Variants in EIF3K observed in about 807,000 individuals in gnomAD.
EIF3K encodes eukaryotic translation initiation factor 3 subunit K, also known as eIF-3 p28.
EIF3K carries 27 observed loss-of-function variants against 34.2 expected under a neutral mutation model. The observed-to-expected ratio is 0.79, with a 90% CI of 0.58 to 1.09. The LOEUF (loss-of-function observed/expected upper bound fraction) is 1.09. Ranked by LOEUF, EIF3K falls within the 50% of genes least tolerant of loss-of-function variation. The pLI, the probability that EIF3K is intolerant of heterozygous loss-of-function variation, is 0.00. For missense variants in EIF3K, 232 were observed against 275.4 expected (o/e 0.84, Z 1.11); for synonymous variants, 105 against 105.7 (o/e 0.99, Z 0.04).
chr19:38,626,289 C>A, intron 4 of EIF3K, 187 bp downstream of exon 4: 1 of 623,844 alleles, frequency 1.6e-6, no homozygotes, highest in Non-Finnish European at 2.9e-6. Context: ...CCCGTGCCCA[C>A]AGGCTGAGGC....
chr19:38,620,856 T>C (rs907127293), intron 2 of EIF3K, among the ~76,000 whole-genome samples: 1 of 151,812 alleles, frequency 6.6e-6, no homozygotes, highest in African/African-American at 2.4e-5. Context: ...ATCGCGCCAT[T>C]GCACTCCAGC....
intron 7 of EIF3K, chr19:38,635,366 G>A (rs958911487): frequency 1.8e-6 from 1 of 541,696 alleles, no homozygotes; most frequent in Non-Finnish European, 3.3e-6. Flanking sequence ...AGACTTCCTG[G>A]GGCCCAGCGG....
chr19:38,630,307 TCCA>T (rs1448948140), intron 4 of EIF3K, among the ~76,000 whole-genome samples: 1 of 151,490 alleles, frequency 6.6e-6, no homozygotes, highest in Admixed American at 6.6e-5. Flanking sequence ...ATTTCAGGCA[TCCA>T]CCACCACACC....
At chr19:38,630,594 C>T (rs1472670734) in intron 4 of EIF3K, 1 of 152,116 alleles carries the variant, frequency 6.6e-6, no homozygotes, top group Non-Finnish European at 1.5e-5. Flanking sequence ...TCGCCCGTCT[C>T]AGCCTCCCCA....
chr19:38,634,744 A>C (rs1424273112), intron 6 of EIF3K, among the ~76,000 whole-genome samples: 1 of 152,184 alleles, frequency 6.6e-6, no homozygotes, highest in Non-Finnish European at 1.5e-5. Flanking sequence ...GAGGAATAGA[A>C]ATTAAGGCAG....
At chr19:38,633,055 G>GACC (rs1361638671) in intron 6 of EIF3K, among the ~76,000 whole-genome samples, 5 of 152,182 alleles carry the variant, frequency 3.3e-5, no homozygotes, top group African/African-American at 1.2e-4. Flanking sequence ...AGCGGCATCT[G>GACC]AGCCCTTACC....
At chr19:38,621,037 C>T (rs114863456) in intron 2 of EIF3K, among the ~76,000 whole-genome samples, 7 of 151,724 alleles carry the variant, frequency 4.6e-5, no homozygotes, top group Non-Finnish European at 8.8e-5. Flanking sequence ...CCCAACCCTA[C>T]GAAAAAATTT....
At chr19:38,630,324 T>A (rs1342724086) in intron 4 of EIF3K, among the ~76,000 whole-genome samples, 1 of 149,628 alleles carries the variant, frequency 6.7e-6, no homozygotes, top group Non-Finnish European at 1.5e-5. Context: ...CCACACCCGG[T>A]TTAATTATTT....
In EIF3K at chr19:38,626,082, T is replaced by C; in HGVS notation, c.334T>C (p.Cys112Arg). The change falls in exon 4 of 8, where the codon TGC becomes CGC. Residue 112 changes from cysteine (C) to arginine (R), a missense_variant. Transcript: ENST00000248342. ...GTACCTCGGGGACCTGCTGGAGACC[T>C]GCCATTTCCAGGCCTTCTGGGTAAC... ...ILYLGDLLET[C>R]HFQAFWQALD... The C allele has an allele frequency of 6.2e-7, 1 of 1,614,160 alleles. No individual in the cohort carries two copies. Among genetic ancestry groups the C allele is most frequent in the East Asian group, 2.2e-5 (1 of 44,868 alleles).
At chr19:38,631,331 G>A (rs978639167) in intron 4 of EIF3K, among the ~76,000 whole-genome samples, 23 of 152,280 alleles carry the variant, frequency 1.5e-4, no homozygotes, top group African/African-American at 5.3e-4. Context: ...GGTGTTTCTC[G>A]GAGAGGGGGA....
chr19:38,634,007 C>T (rs1034352052), intron 6 of EIF3K, among the ~76,000 whole-genome samples: 4 of 150,646 alleles, frequency 2.7e-5, no homozygotes, highest in Non-Finnish European at 3.0e-5. Flanking sequence ...GAACTCCTGA[C>T]CTCAAGTGAT....
At chr19:38,635,222 G>C in intron 7 of EIF3K, 104 bp downstream of exon 7, 1 of 1,524,218 alleles carries the variant, frequency 6.6e-7, no homozygotes, top group Non-Finnish European at 9.0e-7. Context: ...CTCGTGTTCT[G>C]GGCTGGGAAG....
In EIF3K at chr19:38,630,350, T is replaced by A. The variant is rs560644293; in HGVS notation, c.355-2080T>A. On this transcript the variant is annotated intron_variant, in intron 4 of 7. Transcript: ENST00000248342. ...TTAATTATTTATTTATTTATTTATT[T>A]TTTTTTTTTTTTGAGATGGAGTCTC... 3.7e-3 allele frequency among the ~76,000 whole-genome samples: 522 copies of A among 142,916 alleles called. 5 individuals are homozygous for A. Among genetic ancestry groups the A allele is most frequent in the African/African-American group, 0.012 (470 of 38,156 alleles). 93.8% of individuals were successfully genotyped at this position (142,916 alleles called of 152,430 possible). A position where few individuals can be genotyped will look rare whatever the true frequency, so the allele number is the denominator to read the frequency against.
At chr19:38,635,186 G>A (rs1976164123) in intron 7 of EIF3K, 68 bp downstream of exon 7, 2 of 1,607,110 alleles carry the variant, frequency 1.2e-6, no homozygotes, top group South Asian at 1.1e-5. Context: ...GCCGAGGCAG[G>A]GGCCCAGAGG....
At chr19:38,622,846 C>T (rs886141547) in intron 2 of EIF3K, among the ~76,000 whole-genome samples, 3 of 152,224 alleles carry the variant, frequency 2.0e-5, no homozygotes, top group Non-Finnish European at 4.4e-5. Flanking sequence ...GATATTTCTC[C>T]CATTTGCTTT....
At chr19:38,627,710 G>A (rs1463276390) in intron 4 of EIF3K, among the ~76,000 whole-genome samples, 5 of 150,616 alleles carry the variant, frequency 3.3e-5, no homozygotes, top group African/African-American at 7.3e-5. Flanking sequence ...TCTCACTGGC[G>A]CTCTCTACCA....
At position 38,624,156 on chromosome 19, in the gene EIF3K, A is replaced by G; in HGVS notation, c.238A>G (p.Thr80Ala). ...GAAGGCCCTCACCAACTTGCCGCAC[A>G]CAGACTTCACCCTGTGCAAGTGCAT... ...LLKALTNLPH[T>A]DFTLCKCMID... The change falls in exon 3 of 8, where the codon ACA becomes GCA. Residue 80 changes from threonine (T) to alanine (A), a missense_variant. Thr to Ala is a moderately conservative substitution (Grantham distance 58). Transcript: ENST00000248342. The G allele has an allele frequency of 1.2e-6, 2 of 1,614,180 alleles. No homozygotes were observed. The highest frequency in any genetic ancestry group is 3.3e-5 in the Admixed American group (2 of 60,008).
chr19:38,626,926 G>A (rs960518889), intron 4 of EIF3K, among the ~76,000 whole-genome samples: 2 of 151,990 alleles, frequency 1.3e-5, no homozygotes, highest in African/African-American at 4.8e-5. Context: ...CCTGTCTCCC[G>A]AGTAGCTAGT....
At chr19:38,630,339 A>T (rs940620284) in intron 4 of EIF3K, among the ~76,000 whole-genome samples, 35 of 136,656 alleles carry the variant, frequency 2.6e-4, no homozygotes, top group South Asian at 7.1e-4. Context: ...TTATTTATTT[A>T]TTTATTTATT....
Sources: gnomAD v4.1 joint callset for allele counts (sites outside exome capture counted in the v4.1 genomes callset) on GRCh38, gnomAD v4.1.1 for gene constraint, MANE v1.5 for transcripts, NCBI Gene and HGNC (gene_info 2026-07-23, HGNC 2026-07-21) for gene names.